Variants in BMAL2 observed in about 807,000 individuals in gnomAD.
The protein encoded by BMAL2 is basic helix-loop-helix ARNT like 2.
the BMAL2 span, among the ~76,000 whole-genome samples, chr12:27,338,107 T>A: frequency 6.6e-6 from 1 of 152,346 alleles, no homozygotes; most frequent in South Asian, 2.1e-4. Context: ...AAGTGCTTAA[T>A]AAAGGCTTGC....
At chr12:27,391,313 T>G in the BMAL2 span, among the ~76,000 whole-genome samples, 1 of 152,214 alleles carries the variant, frequency 6.6e-6, no homozygotes, top group Non-Finnish European at 1.5e-5. Flanking sequence ...TGTTCTTGCA[T>G]CAATTCACTT....
the BMAL2 span, among the ~76,000 whole-genome samples, chr12:27,395,153 G>T: frequency 5.9e-5 from 9 of 152,204 alleles, no homozygotes; most frequent in Non-Finnish European, 1.2e-4. Flanking sequence ...AAAGGAATCT[G>T]GGCCTTGCTG....
chr12:27,354,084 T>C, the BMAL2 span, among the ~76,000 whole-genome samples: 2 of 152,282 alleles, frequency 1.3e-5, no homozygotes, highest in South Asian at 2.1e-4. Flanking sequence ...CCCAAAGGAA[T>C]ATAAATTGTT....
the BMAL2 span, chr12:27,389,061 A>C: frequency 2.6e-6 from 2 of 767,534 alleles, no homozygotes; most frequent in South Asian, 3.0e-5. Flanking sequence ...TGTCGTGGAC[A>C]TATCTTTGAG....
At chr12:27,375,663 C>T in the BMAL2 span, among the ~76,000 whole-genome samples, 1 of 152,224 alleles carries the variant, frequency 6.6e-6, no homozygotes, top group East Asian at 1.9e-4. Flanking sequence ...TTTCAAATCT[C>T]CCACAAAACG....
At chr12:27,374,569 G>A in the BMAL2 span, among the ~76,000 whole-genome samples, 216 of 152,310 alleles carry the variant, frequency 1.4e-3, 3 homozygotes, top group East Asian at 0.038. Flanking sequence ...TTATTCATCT[G>A]TATAATTGTT....
At chr12:27,369,301 G>GC in the BMAL2 span, among the ~76,000 whole-genome samples, 14 of 151,636 alleles carry the variant, frequency 9.2e-5, no homozygotes, top group African/African-American at 2.7e-4. Flanking sequence ...TTTTTTGGTG[G>GC]GGGGGGTGGT....
chr12:27,390,677 T>C, the BMAL2 span, among the ~76,000 whole-genome samples: 1 of 152,234 alleles, frequency 6.6e-6, no homozygotes, highest in Non-Finnish European at 1.5e-5. Context: ...TATGAGATGG[T>C]GATTCTTCGG....
At chr12:27,350,399 C>T in the BMAL2 span, among the ~76,000 whole-genome samples, 2 of 152,326 alleles carry the variant, frequency 1.3e-5, no homozygotes, top group Admixed American at 1.3e-4. Context: ...GGAGATCTCT[C>T]TTCCACAGTA....
At chr12:27,380,349 A>G in the BMAL2 span, 153 of 1,614,162 alleles carry the variant, frequency 9.5e-5, no homozygotes, top group Middle Eastern at 5.6e-3. Context: ...TGGCGCGTAA[A>G]CTGGACAAAC....
the BMAL2 span, among the ~76,000 whole-genome samples, chr12:27,413,456 T>G: frequency 4.6e-5 from 7 of 152,230 alleles, no homozygotes; most frequent in African/African-American, 1.4e-4. Context: ...TGTCCTGTTA[T>G]AATGACAAGG....
chr12:27,359,441 C>T, the BMAL2 span, among the ~76,000 whole-genome samples: 2 of 152,306 alleles, frequency 1.3e-5, no homozygotes, highest in African/African-American at 4.8e-5. Flanking sequence ...ATATTCCCAG[C>T]ACTTTGGGAG....
At chr12:27,396,589 C>T in the BMAL2 span, among the ~76,000 whole-genome samples, 1 of 152,160 alleles carries the variant, frequency 6.6e-6, no homozygotes, top group East Asian at 1.9e-4. Flanking sequence ...AGACACACAG[C>T]GAGGGAGTGG....
the BMAL2 span, among the ~76,000 whole-genome samples, chr12:27,361,453 T>C: frequency 2.0e-5 from 3 of 152,204 alleles, no homozygotes; most frequent in Admixed American, 6.5e-5. Flanking sequence ...TATTATTTTA[T>C]TGAGTGTTAA....
chr12:27,417,944 GATC>G, the BMAL2 span: 1 of 452,828 alleles, frequency 2.2e-6, no homozygotes, highest in Non-Finnish European at 3.8e-6. Flanking sequence ...AATGAACCGA[GATC>G]ATGCCGCTGC....
the BMAL2 span, among the ~76,000 whole-genome samples, chr12:27,383,004 G>T: frequency 6.6e-6 from 1 of 152,204 alleles, no homozygotes; most frequent in Non-Finnish European, 1.5e-5. Context: ...GTTTGCTGAT[G>T]ACATTGGTCT....
At chr12:27,367,906 A>G in the BMAL2 span, among the ~76,000 whole-genome samples, 2 of 151,780 alleles carry the variant, frequency 1.3e-5, no homozygotes, top group South Asian at 4.2e-4. Context: ...GTACAGTAGC[A>G]TGATCTCAGC....
At chr12:27,369,666 T>C in the BMAL2 span, among the ~76,000 whole-genome samples, 1 of 152,226 alleles carries the variant, frequency 6.6e-6, no homozygotes, top group Non-Finnish European at 1.5e-5. Flanking sequence ...ATAGGCACCA[T>C]TGTTCTTTCT....
At chr12:27,365,721 A>T in the BMAL2 span, among the ~76,000 whole-genome samples, 12 of 149,052 alleles carry the variant, frequency 8.1e-5, no homozygotes, top group South Asian at 2.1e-4. Flanking sequence ...ATGACCCCAA[A>T]TTTTTTTTTT....
Sources: gnomAD v4.1 joint callset for allele counts (sites outside exome capture counted in the v4.1 genomes callset) on GRCh38, gnomAD v4.1.1 for gene constraint, MANE v1.5 for transcripts, NCBI Gene and HGNC (gene_info 2026-07-23, HGNC 2026-07-21) for gene names.